The following HIBADH variants were observed in gnomAD, a reference collection of about 807,000 sequenced individuals.
The protein encoded by HIBADH is 3-hydroxyisobutyrate dehydrogenase, also known as 3-hydroxyisobutyrate dehydrogenase, mitochondrial.
A neutral mutation model predicts 36.1 loss-of-function variants in HIBADH; 25 were observed. The ratio of observed to expected loss-of-function variants is 0.69; its 90% CI spans 0.50 to 0.97. HIBADH has a LOEUF of 0.97. Among genes scored for constraint, HIBADH ranks in the 50% least tolerant of loss-of-function variants. The pLI is 0.00. For missense variants in HIBADH, 421 were observed against 418.0 expected (o/e 1.01, Z -0.06); for synonymous variants, 160 against 149.5 (o/e 1.07, Z -0.51).
chr7:27,526,094 C>A lies in HIBADH; in HGVS notation c.*120G>T. On this transcript the variant is annotated 3_prime_UTR_variant, in exon 8 of 8. Transcript: ENST00000265395. ...GAAAAATCCTAGGGATTACTGTGACCTAGACAATCAAAAGCAGATAGGTGA... is the reference window on the plus strand; with the variant it reads ...GAAAAATCCTAGGGATTACTGTGACATAGACAATCAAAAGCAGATAGGTGA... 1 of 775,938 alleles carries A rather than the reference C, an allele frequency of 1.3e-6. No individual in the cohort carries two copies. The highest frequency in any genetic ancestry group is 3.1e-5 in the South Asian group (1 of 32,268). 48.1% of individuals were successfully genotyped at this position (775,938 alleles called of 1,614,324 possible).
intron 5 of HIBADH, among the ~76,000 whole-genome samples, chr7:27,539,592 T>G (rs184222671): frequency 2.8e-4 from 42 of 152,228 alleles, no homozygotes; most frequent in Non-Finnish European, 5.7e-4. Context: ...CAAGAAAAAT[T>G]TGAAGTCCAT....
At chr7:27,583,283 C>G (rs558307419) in intron 4 of HIBADH, among the ~76,000 whole-genome samples, 1 of 152,110 alleles carries the variant, frequency 6.6e-6, no homozygotes, top group East Asian at 1.9e-4. Context: ...CATTGAACAG[C>G]TTACTCTGTT....
chr7:27,540,404 G>T (rs1375239525), intron 5 of HIBADH, among the ~76,000 whole-genome samples: 1 of 152,078 alleles, frequency 6.6e-6, no homozygotes, highest in Admixed American at 6.5e-5. Context: ...ATTAATCCAA[G>T]ATCCATATCT....
At chr7:27,645,753 A>G (rs1786057748) in intron 2 of HIBADH, among the ~76,000 whole-genome samples, 1 of 152,066 alleles carries the variant, frequency 6.6e-6, no homozygotes, top group African/African-American at 2.4e-5. Flanking sequence ...TCATTCATAT[A>G]TCTTCCTGGG....
intron 4 of HIBADH, among the ~76,000 whole-genome samples, chr7:27,595,891 C>T (rs772934330): frequency 6.6e-6 from 1 of 151,826 alleles, no homozygotes; most frequent in Non-Finnish European, 1.5e-5. Context: ...CAAACAAGAT[C>T]GTAATTTGGA....
chr7:27,567,793 T>C (rs1328067181), intron 4 of HIBADH, among the ~76,000 whole-genome samples: 1 of 152,222 alleles, frequency 6.6e-6, no homozygotes, highest in Non-Finnish European at 1.5e-5. Flanking sequence ...AGTTGTCATC[T>C]GTATTACATT....
intron 2 of HIBADH, among the ~76,000 whole-genome samples, chr7:27,634,071 A>T (rs1411533246): frequency 7.2e-5 from 11 of 152,230 alleles, no homozygotes; most frequent in Admixed American, 7.2e-4. Context: ...AATCAAATTC[A>T]GGATAAATGT....
At chr7:27,560,734 G>A (rs1045489289) in intron 4 of HIBADH, among the ~76,000 whole-genome samples, 2 of 152,096 alleles carry the variant, frequency 1.3e-5, no homozygotes, top group African/African-American at 4.8e-5. Flanking sequence ...ATCCACTGAT[G>A]GACATTTGGG....
intron 4 of HIBADH, among the ~76,000 whole-genome samples, chr7:27,622,507 A>G (rs1167818064): frequency 6.6e-6 from 1 of 152,172 alleles, no homozygotes; most frequent in East Asian, 1.9e-4. Context: ...TGGCTCTTCA[A>G]AAAGATAAAT....
intron 4 of HIBADH, among the ~76,000 whole-genome samples, chr7:27,585,216 T>C (rs1446101420): frequency 6.6e-6 from 1 of 150,686 alleles, no homozygotes; most frequent in Non-Finnish European, 1.5e-5. Context: ...TAAAAGTACG[T>C]GTGTATATTT....
rs1223557442 is a variant in HIBADH, at chr7:27,629,476, A to C, written c.379T>G (p.Ser127Ala). The change falls in exon 4 of 8, where the codon TCA (serine) becomes GCA (alanine). Residue 127 changes from serine to alanine, a missense_variant. Physicochemically the swap from Ser to Ala is moderately conservative, Grantham distance 99 (BLOSUM62 1). Coordinates refer to ENST00000265395, the MANE Select transcript of HIBADH (RefSeq NM_152740.4). ...ATAGTGCTGGAATCTATTAATAATG[A>C]GCCCTTCTTCACTTTTCTAAGTAAA... is the stretch of plus-strand genomic sequence containing the variant. ...NGILKKVKKG[S>A]LLIDSSTIDP... 1.3e-6 allele frequency: 2 copies of C among 1,592,722 alleles called. No individual in the cohort carries two copies.
intron 4 of HIBADH, among the ~76,000 whole-genome samples, chr7:27,570,200 C>T (rs1427386470): frequency 6.6e-6 from 1 of 152,108 alleles, no homozygotes; most frequent in African/African-American, 2.4e-5. Context: ...GACAGCTTCT[C>T]CAGGCACTCT....
intron 2 of HIBADH, among the ~76,000 whole-genome samples, chr7:27,647,965 T>C (rs927464151): frequency 1.3e-5 from 2 of 152,202 alleles, no homozygotes; most frequent in Admixed American, 6.5e-5. Context: ...CCCCACTCTT[T>C]GGTTAAATTC....
chr7:27,526,228 C>T lies in HIBADH; in HGVS notation c.997G>A (p.Glu333Lys). Residue 333 changes from glutamate to lysine, a missense_variant, in exon 8 of 8, where the codon GAG becomes AAG. By Grantham distance (56) the Glu-to-Lys change is moderately conservative. Coordinates refer to ENST00000265395, the MANE Select transcript of HIBADH (RefSeq NM_152740.4). ...AAAGGGCACACTCAGAAGGTCTCCT[C>T]CTCTCGTAGGAACTGGAACACGGAT... is the stretch of plus-strand genomic sequence containing the variant. ...FSSVFQFLRE[E>K]ETF The T allele has an allele frequency of 6.2e-7, 1 of 1,610,722 alleles. No homozygotes were observed. The highest frequency in any genetic ancestry group is 8.5e-7 in the Non-Finnish European group (1 of 1,178,602).
chr7:27,561,550 A>G lies in HIBADH; in HGVS notation c.485-18450T>C, dbSNP rs1258200216. Among the ~76,000 whole-genome samples, 4 of 152,158 alleles carry G rather than the reference A, an allele frequency of 2.6e-5. 1 individual carries two copies. The highest frequency in any genetic ancestry group is 9.6e-5 in the African/African-American group (4 of 41,464). Reference sequence around the variant, plus strand: ...TGCTTCATGGCCTATTGTGTGGTCAATTATTAATAATTTTTTGATGTGTCT... The same window carrying G: ...TGCTTCATGGCCTATTGTGTGGTCAGTTATTAATAATTTTTTGATGTGTCT... On this transcript the variant is annotated intron_variant, in intron 4 of 7. Transcript: ENST00000265395.
At chr7:27,531,602 G>T (rs1784002648) in intron 6 of HIBADH, among the ~76,000 whole-genome samples, 2 of 152,030 alleles carry the variant, frequency 1.3e-5, no homozygotes, top group African/African-American at 4.8e-5. Flanking sequence ...CTATTATTAA[G>T]AAAAAATAAT....
intron 4 of HIBADH, among the ~76,000 whole-genome samples, chr7:27,592,217 A>G (rs553274284): frequency 2.6e-5 from 4 of 152,294 alleles, no homozygotes; most frequent in Non-Finnish European, 5.9e-5. Flanking sequence ...ATTTAGTGCA[A>G]TGTGTTTTTT....
At chr7:27,535,044 T>G (rs1410535732) in intron 6 of HIBADH, among the ~76,000 whole-genome samples, 1 of 147,656 alleles carries the variant, frequency 6.8e-6, no homozygotes, top group Non-Finnish European at 1.5e-5. Context: ...AACTTAATAG[T>G]CAACAACTAG....
At chr7:27,594,167 C>CA (rs1784990520) in intron 4 of HIBADH, among the ~76,000 whole-genome samples, 1 of 126,530 alleles carries the variant, frequency 7.9e-6, no homozygotes, top group African/African-American at 2.9e-5. Context: ...TTTTCTGAAA[C>CA]AGAGTTTCGC....
Sources: gnomAD v4.1 joint callset for allele counts (sites outside exome capture counted in the v4.1 genomes callset) on GRCh38, gnomAD v4.1.1 for gene constraint, MANE v1.5 for transcripts, NCBI Gene and HGNC (gene_info 2026-07-23, HGNC 2026-07-21) for gene names.